Variants in ZSCAN5A observed in about 807,000 individuals in gnomAD.
ZSCAN5A encodes the protein zinc finger and SCAN domain containing 5A.
A neutral mutation model predicts 23.7 loss-of-function variants in ZSCAN5A; 12 were observed. The observed-to-expected ratio is 0.51, with a 90% CI of 0.32 to 0.82. The LOEUF (loss-of-function observed/expected upper bound fraction) is 0.82. Ranked by LOEUF, ZSCAN5A falls within the 40% of genes least tolerant of loss-of-function variation. ZSCAN5A has a pLI of 0.03. For missense variants in ZSCAN5A, 597 were observed against 617.9 expected, an observed-to-expected ratio of 0.97 and a Z score of 0.36; for synonymous variants, 257 against 239.9, an observed-to-expected ratio of 1.07 and a Z score of -0.66.
chr19:56,286,385 G>T (rs1161066590), intron 2 of ZSCAN5A: 3 of 151,936 alleles, frequency 2.0e-5, no homozygotes, highest in Non-Finnish European at 1.5e-5. Context: ...TTCACAGACG[G>T]ACTGAACCCC....
At chr19:56,243,067 C>T (rs1259672539) in intron 2 of ZSCAN5A, among the ~76,000 whole-genome samples, 1 of 152,218 alleles carries the variant, frequency 6.6e-6, no homozygotes, top group Non-Finnish European at 1.5e-5. Flanking sequence ...GCATGAGCCA[C>T]CACACCTGGC....
chr19:56,321,782 A>G, intron 2 of ZSCAN5A: 1 of 1,206,000 alleles, frequency 8.3e-7, no homozygotes, highest in Non-Finnish European at 1.2e-6. Context: ...ATACAGCTTG[A>G]TTCCTACCCA....
intron 2 of ZSCAN5A, among the ~76,000 whole-genome samples, chr19:56,331,538 T>A (rs1341663597): frequency 6.9e-6 from 1 of 145,566 alleles, no homozygotes; most frequent in Non-Finnish European, 1.5e-5. Flanking sequence ...TAGTCTAGGC[T>A]TTTTTTTTTT....
rs1315890203 is a variant in ZSCAN5A, at chr19:56,222,076, C to A, written c.990G>T (p.Met330Ile). The A allele has an allele frequency of 1.2e-6, 2 of 1,614,156 alleles. No homozygotes were observed. Among genetic ancestry groups the A allele is most frequent in the Middle Eastern group, 1.6e-4 (1 of 6,062 alleles). ...CAGGGCCTGGGGAATGAATTGAATTCATCCCAGCTTGTCCCGGGGATTCTC... is the reference window on the plus strand; with the variant it reads ...CAGGGCCTGGGGAATGAATTGAATTAATCCCAGCTTGTCCCGGGGATTCTC... ...GNRESPGQAGMNSIHSPGPAS... is the reference protein window; with the variant it reads ...GNRESPGQAGINSIHSPGPAS... The change falls in exon 6 of 6, where the codon ATG becomes ATT. Residue 330 changes from methionine to isoleucine, a missense_variant. Coordinates refer to ENST00000683990, the MANE Select transcript of ZSCAN5A (RefSeq NM_001322064.3).
Position 56,224,914 on chromosome 19 carries a change from C to G in ZSCAN5A, c.133G>C (p.Val45Leu), listed in dbSNP as rs748809925. 1 of 1,614,182 alleles carries G rather than the reference C, an allele frequency of 6.2e-7. No homozygotes were observed. The change falls in exon 3 of 6, where the codon GTG becomes CTG. Residue 45 changes from valine (V) to leucine (L), a missense_variant. By Grantham distance (32) the Val-to-Leu change is conservative. Coordinates refer to ENST00000683990, the MANE Select transcript of ZSCAN5A (RefSeq NM_001322064.3). ...GGGCAGCTGAACATCCTGAAGTTCACGTGAGAAATCTCAGGGTCCACGTCG... is the reference window on the plus strand; with the variant it reads ...GGGCAGCTGAACATCCTGAAGTTCAGGTGAGAAATCTCAGGGTCCACGTCG... ...NHDVDPEISH[V>L]NFRMFSCPKE...
intron 2 of ZSCAN5A, among the ~76,000 whole-genome samples, chr19:56,268,706 T>G (rs1384829278): frequency 6.6e-6 from 1 of 152,222 alleles, no homozygotes; most frequent in African/African-American, 2.4e-5. Flanking sequence ...TTCTCGATGT[T>G]GTTCAACCGT....
At chr19:56,243,871 T>TG (rs762497050) in intron 2 of ZSCAN5A, among the ~76,000 whole-genome samples, 2 of 152,104 alleles carry the variant, frequency 1.3e-5, no homozygotes, top group South Asian at 2.1e-4. Flanking sequence ...TTGGAAGGGA[T>TG]GGGTGGATAG....
At chr19:56,300,369 G>A (rs887681138) in intron 2 of ZSCAN5A, among the ~76,000 whole-genome samples, 1 of 152,162 alleles carries the variant, frequency 6.6e-6, no homozygotes, top group African/African-American at 2.4e-5. Context: ...AAATTCACTT[G>A]GTTATTGGGA....
chr19:56,329,584 AAAT>A (rs1257082649), intron 2 of ZSCAN5A, among the ~76,000 whole-genome samples: 5 of 151,934 alleles, frequency 3.3e-5, no homozygotes, highest in African/African-American at 9.7e-5. Flanking sequence ...CAAGCAGAAG[AAAT>A]AATAATAATA....
At chr19:56,279,018 C>G (rs1006352131) in intron 2 of ZSCAN5A, among the ~76,000 whole-genome samples, 3 of 152,238 alleles carry the variant, frequency 2.0e-5, no homozygotes, top group African/African-American at 7.2e-5. Context: ...CACAGACACA[C>G]CTGGGGCAGC....
chr19:56,323,177 A>T (rs2041395960), intron 2 of ZSCAN5A, among the ~76,000 whole-genome samples: 1 of 151,802 alleles, frequency 6.6e-6, no homozygotes, highest in African/African-American at 2.4e-5. Context: ...TACAGGCGTG[A>T]GCCACCGCGC....
intron 2 of ZSCAN5A, chr19:56,347,301 T>G (rs747094640): frequency 9.2e-5 from 14 of 152,198 alleles, no homozygotes; most frequent in Non-Finnish European, 1.9e-4. Flanking sequence ...GGGTTTTAAA[T>G]CCATCACAAG....
At chr19:56,295,429 T>C (rs1600215797) in intron 2 of ZSCAN5A, among the ~76,000 whole-genome samples, 1 of 152,140 alleles carries the variant, frequency 6.6e-6, no homozygotes, top group East Asian at 1.9e-4. Flanking sequence ...CCTCCGTTTC[T>C]ACTAAAAATA....
At chr19:56,298,082 AAGCC>A (rs2039995147) in intron 2 of ZSCAN5A, 1 of 152,000 alleles carries the variant, frequency 6.6e-6, no homozygotes, top group African/African-American at 2.4e-5. Context: ...AAAAAAAAAA[AAGCC>A]AGAACAACAC....
intron 2 of ZSCAN5A, among the ~76,000 whole-genome samples, chr19:56,257,411 T>C (rs1026769401): frequency 1.2e-4 from 18 of 152,172 alleles, no homozygotes; most frequent in Admixed American, 2.0e-4. Context: ...CCCTGGGATA[T>C]GGACTGCAGT....
chr19:56,275,935 GTAGCTTTATTGA>G (rs2038215953), intron 2 of ZSCAN5A, among the ~76,000 whole-genome samples: 1 of 152,228 alleles, frequency 6.6e-6, no homozygotes, highest in African/African-American at 2.4e-5. Flanking sequence ...ATGGGCCCGA[GTAGCTTTATTGA>G]TAGCAGTGAG....
rs1555791727 is a variant in ZSCAN5A, at chr19:56,225,182, G to GGA, written c.-127-10_-127-9insTC. The stretch of plus-strand genomic sequence containing the variant: ...ACTGTTCATTCAGAAGTCTGGGGGG[G>GGA]AAAAGTATGAGCCTCATTAGTTTAA... On this transcript the variant is annotated splice_polypyrimidine_tract_variant and intron_variant, in intron 2 of 5. Coordinates refer to ENST00000683990, the MANE Select transcript of ZSCAN5A (RefSeq NM_001322064.3). 11 of 1,408,658 alleles carry GGA rather than the reference G, an allele frequency of 7.8e-6. No homozygotes were observed. Among genetic ancestry groups the GGA allele is most frequent in the East Asian group, 2.4e-5 (1 of 41,116 alleles). The allele number at this position is 1,408,658 out of a possible 1,614,324, so 87.3% of individuals were successfully genotyped here. A position where few individuals can be genotyped will look rare whatever the true frequency, so the allele number is the denominator to read the frequency against.
In ZSCAN5A at chr19:56,239,668, AAAAGT is replaced by A. The variant is rs112319960; in HGVS notation, c.-127-14500_-127-14496del. ...TGTGAATTCCAAGAGTTTGAAAAAG[AAAAGT>A]AAAGAATTATCACTAATATTTATTG... On this transcript the variant is annotated intron_variant, in intron 2 of 5. Coordinates refer to ENST00000683990, the MANE Select transcript of ZSCAN5A (RefSeq NM_001322064.3). Among the ~76,000 whole-genome samples the A allele has an allele frequency of 3.0e-3, 451 of 152,084 alleles. 4 individuals carry two copies. Among genetic ancestry groups the A allele is most frequent in the African/African-American group, 0.01 (425 of 41,564 alleles).
intron 2 of ZSCAN5A, chr19:56,296,233 CGGA>C (rs1452075872): frequency 1.3e-5 from 2 of 152,402 alleles, no homozygotes; most frequent in African/African-American, 4.8e-5. Flanking sequence ...CAGGGCTTCT[CGGA>C]GGAGGAGTGG....
Sources: gnomAD v4.1 joint callset for allele counts (sites outside exome capture counted in the v4.1 genomes callset) on GRCh38, gnomAD v4.1.1 for gene constraint, MANE v1.5 for transcripts, NCBI Gene and HGNC (gene_info 2026-07-23, HGNC 2026-07-21) for gene names.